Variants in LIPA observed in about 807,000 individuals in gnomAD.
LIPA encodes lysosomal acid lipase/cholesteryl ester hydrolase.
A neutral mutation model predicts 40.6 loss-of-function variants in LIPA; 26 were observed. That is an observed-to-expected ratio of 0.64 (90% CI 0.47 to 0.89). The LOEUF is 0.89. Ranked by LOEUF, LIPA falls within the 40% of genes least tolerant of loss-of-function variation. LIPA has a pLI of 0.00. For missense variants in LIPA, 455 were observed against 479.6 expected, an observed-to-expected ratio of 0.95 and a Z score of 0.48; for synonymous variants, 188 against 168.4, an observed-to-expected ratio of 1.12 and a Z score of -0.90.
intron 2 of LIPA, among the ~76,000 whole-genome samples, chr10:89,409,332 C>A (rs1334253546): frequency 6.7e-6 from 1 of 148,298 alleles, no homozygotes; most frequent in Non-Finnish European, 1.5e-5. Flanking sequence ...CTCAGACAAA[C>A]AAACCTTGGT....
At chr10:89,348,429 A>T (rs889005549) in intron 2 of LIPA, among the ~76,000 whole-genome samples, 1 of 152,160 alleles carries the variant, frequency 6.6e-6, no homozygotes, top group African/African-American at 2.4e-5. Flanking sequence ...GGACAAAAGG[A>T]CTTTCACCAA....
At chr10:89,360,078 G>A (rs2133591430) in intron 2 of LIPA, among the ~76,000 whole-genome samples, 1 of 152,152 alleles carries the variant, frequency 6.6e-6, no homozygotes, top group South Asian at 2.1e-4. Context: ...GGCAGAATTG[G>A]GTTGTTAACC....
chr10:89,394,604 AT>A (rs1844311353), intron 2 of LIPA, among the ~76,000 whole-genome samples: 2 of 48,140 alleles, frequency 4.2e-5, no homozygotes, highest in Non-Finnish European at 6.3e-5. Flanking sequence ...ATATATATAT[AT>A]ATATATATAT....
chr10:89,399,608 A>AG (rs1554881099), intron 2 of LIPA, among the ~76,000 whole-genome samples: 1 of 151,864 alleles, frequency 6.6e-6, no homozygotes, highest in Non-Finnish European at 1.5e-5. Context: ...GCTTTCCCAC[A>AG]CATTTGTTGA....
chr10:89,347,596 T>A (rs1350580764), upstream of LIPA, among the ~76,000 whole-genome samples: 1 of 152,214 alleles, frequency 6.6e-6, no homozygotes, highest in Non-Finnish European at 1.5e-5. Context: ...GTAAAATTAT[T>A]ATTTCTAGGA....
At chr10:89,215,125 A>G (rs1842608181) in intron 9 of LIPA, 64 bp from the exon 10 acceptor site, 1 of 1,177,852 alleles carries the variant, frequency 8.5e-7, no homozygotes, top group African/African-American at 1.5e-5. Flanking sequence ...CAAAATCACA[A>G]TAAGCGCAAT....
At chr10:89,258,909 G>A (rs2133485317) in intron 1 of LIPA, among the ~76,000 whole-genome samples, 1 of 152,228 alleles carries the variant, frequency 6.6e-6, no homozygotes, top group African/African-American at 2.4e-5. Context: ...ACTACAACAT[G>A]GATGAATCTT....
intron 2 of LIPA, chr10:89,378,208 G>T: frequency 6.4e-7 from 1 of 1,569,902 alleles, no homozygotes; most frequent in Non-Finnish European, 8.8e-7. Context: ...TTTCCTTAAG[G>T]GCCAATTTTT....
chr10:89,313,544 A>G (rs1245558802), intron 1 of LIPA, among the ~76,000 whole-genome samples: 2 of 152,238 alleles, frequency 1.3e-5, no homozygotes, highest in African/African-American at 4.8e-5. Flanking sequence ...CTAGATACAT[A>G]TGTAAGAAAA....
rs1044445560 is a variant in LIPA, at chr10:89,297,262, T to C, written c.-2+45349A>G. On this transcript the variant is annotated intron_variant, in intron 1 of 5. Transcript: ENST00000282673. ...AATCTGAAACATGAGAGAGTTTCTC[T>C]ACCCATACAAACTCTGACACCAGTA... Among the ~76,000 whole-genome samples, 34 of 152,156 alleles carry C rather than the reference T, an allele frequency of 2.2e-4. 1 individual carries two copies. Among genetic ancestry groups the C allele is most frequent in the Admixed American group, 1.0e-3 (16 of 15,284 alleles).
chr10:89,317,413 T>G (rs1320028782), intron 1 of LIPA, among the ~76,000 whole-genome samples: 1 of 152,192 alleles, frequency 6.6e-6, no homozygotes, highest in Non-Finnish European at 1.5e-5. Context: ...GAGAACTATA[T>G]GACGCATGCA....
Position 89,218,350 on chromosome 10 carries a change from A to G in LIPA, c.895-2341T>C, listed in dbSNP as rs140451811. Among the ~76,000 whole-genome samples, 432 of 152,348 alleles carry G rather than the reference A, an allele frequency of 2.8e-3. 4 individuals are homozygous for G. The highest frequency in any genetic ancestry group is 9.9e-3 in the African/African-American group (413 of 41,582). ...AACAACTATCACTGCAAAAAACAAA[A>G]TGATAATAAAATTCAAGCAACAGAA... On this transcript the variant is annotated intron_variant, in intron 8 of 9. Transcript: ENST00000336233.
intron 1 of LIPA, chr10:89,307,410 G>GA (rs772068882): frequency 6.6e-7 from 1 of 1,504,666 alleles, no homozygotes; most frequent in Non-Finnish European, 9.0e-7. Flanking sequence ...GGCTACTGCT[G>GA]AAAGGGAGCT....
upstream of LIPA, among the ~76,000 whole-genome samples, chr10:89,343,773 G>T (rs1020431553): frequency 6.6e-6 from 1 of 152,080 alleles, no homozygotes; most frequent in African/African-American, 2.4e-5. Context: ...TGCCATATGG[G>T]GCAGTACTTA....
At chr10:89,271,781 G>A (rs1325732890) in intron 1 of LIPA, among the ~76,000 whole-genome samples, 1 of 152,182 alleles carries the variant, frequency 6.6e-6, no homozygotes. Flanking sequence ...GAAGTCATAG[G>A]CTGGGCTCAG....
At chr10:89,246,353 G>T (rs2133465709) in intron 2 of LIPA, among the ~76,000 whole-genome samples, 1 of 152,248 alleles carries the variant, frequency 6.6e-6, no homozygotes, top group East Asian at 1.9e-4. Context: ...TTGTTAATCA[G>T]GAGCTCAGTG....
intron 2 of LIPA, among the ~76,000 whole-genome samples, chr10:89,351,798 G>A (rs541086771): frequency 2.4e-4 from 37 of 152,152 alleles, no homozygotes; most frequent in African/African-American, 8.2e-4. Context: ...CAAAAAATAC[G>A]CGCATCACCC....
chr10:89,281,556 G>A (rs1843316356), intron 1 of LIPA, among the ~76,000 whole-genome samples: 1 of 152,192 alleles, frequency 6.6e-6, no homozygotes, highest in South Asian at 2.1e-4. Flanking sequence ...CTTTACAGAT[G>A]TGGAAACTAA....
chr10:89,220,058 T>G (rs1589551509), intron 8 of LIPA, among the ~76,000 whole-genome samples: 1 of 152,248 alleles, frequency 6.6e-6, no homozygotes, highest in East Asian at 1.9e-4. Context: ...CGATCCAATG[T>G]CTCTACTGCA....
Sources: gnomAD v4.1 joint callset for allele counts (sites outside exome capture counted in the v4.1 genomes callset) on GRCh38, gnomAD v4.1.1 for gene constraint, MANE v1.5 for transcripts, NCBI Gene and HGNC (gene_info 2026-07-23, HGNC 2026-07-21) for gene names.